The following SASH1 variants were observed in gnomAD, a reference collection of about 807,000 sequenced individuals.
SASH1 encodes SAM and SH3 domain containing 1.
SASH1 carries 44 observed loss-of-function variants against 125.2 expected under a neutral mutation model. The ratio of observed to expected loss-of-function variants is 0.35; its 90% CI spans 0.28 to 0.45. The LOEUF is 0.45. Among genes scored for constraint, SASH1 ranks in the 20% least tolerant of loss-of-function variants. The pLI is 1.00. For missense variants in SASH1, 1,426 were observed against 1,614.5 expected (o/e 0.88, Z 2.00); for synonymous variants, 639 against 649.1 (o/e 0.98, Z 0.24).
chr6:148,421,150 A>AAGGAAGGAAGGAAGG (rs1562396387), intron 2 of SASH1, among the ~76,000 whole-genome samples: 29 of 48,498 alleles, frequency 6.0e-4, no homozygotes, highest in East Asian at 1.6e-3. Context: ...AGGAAGGAAG[A>AAGGAAGGAAGGAAGG]AAGAAAGAAA....
the SASH1 span, among the ~76,000 whole-genome samples, chr6:148,233,931 T>C: frequency 6.7e-6 from 1 of 149,004 alleles, no homozygotes; most frequent in Non-Finnish European, 1.5e-5. Context: ...AAAAACTAAA[T>C]GTTCCTCCCT....
chr6:148,372,191 A>G (rs1782729299), intron 1 of SASH1, among the ~76,000 whole-genome samples: 1 of 152,230 alleles, frequency 6.6e-6, no homozygotes, highest in African/African-American at 2.4e-5. Context: ...TTTCCCTTTC[A>G]GACTTACACT....
chr6:148,246,239 C>T, the SASH1 span, among the ~76,000 whole-genome samples: 1 of 152,128 alleles, frequency 6.6e-6, no homozygotes, highest in Admixed American at 6.6e-5. Flanking sequence ...AAGTAGAAGT[C>T]TTTTCATTGT....
At chr6:148,274,173 G>T (rs1202035323) in intron 1 of SASH1, among the ~76,000 whole-genome samples, 1 of 152,206 alleles carries the variant, frequency 6.6e-6, no homozygotes, top group Non-Finnish European at 1.5e-5. Flanking sequence ...CCTAGAGGGT[G>T]CTCAGGAGTC....
chr6:148,200,271 C>T, the SASH1 span, among the ~76,000 whole-genome samples: 2 of 152,144 alleles, frequency 1.3e-5, no homozygotes, highest in Non-Finnish European at 2.9e-5. Context: ...CTCTCCTAAC[C>T]TCATTTTGTG....
At chr6:148,270,911 T>TA (rs1477664841), upstream of SASH1, among the ~76,000 whole-genome samples, 2 of 150,132 alleles carry the variant, frequency 1.3e-5, no homozygotes, top group Non-Finnish European at 3.0e-5. Flanking sequence ...CAACTTTTTT[T>TA]TTTTTTTTTT....
At chr6:148,523,667 G>A (rs904977012) in intron 10 of SASH1, among the ~76,000 whole-genome samples, 5 of 152,108 alleles carry the variant, frequency 3.3e-5, no homozygotes, top group Admixed American at 6.5e-5. Flanking sequence ...CCCAATGGCC[G>A]TCTCTCACTT....
At chr6:148,273,937 A>G (rs1779124536) in intron 1 of SASH1, among the ~76,000 whole-genome samples, 1 of 152,260 alleles carries the variant, frequency 6.6e-6, no homozygotes, top group Non-Finnish European at 1.5e-5. Flanking sequence ...AGGGAACTCT[A>G]GAAGAAATGT....
chr6:148,401,298 C>A (rs1041923900), intron 2 of SASH1, among the ~76,000 whole-genome samples: 2 of 151,716 alleles, frequency 1.3e-5, no homozygotes, highest in Non-Finnish European at 2.9e-5. Flanking sequence ...GTTATCCTGA[C>A]TTTTCAACTA....
intron 8 of SASH1, 193 bp from the exon 9 acceptor site, chr6:148,514,131 A>C (rs1780301439): frequency 3.0e-6 from 4 of 1,355,492 alleles, no homozygotes; most frequent in Non-Finnish European, 3.8e-6. Context: ...CCTAGGACCT[A>C]ATTCTACGCC....
intron 8 of SASH1, among the ~76,000 whole-genome samples, chr6:148,511,324 T>TACACACACACAC (rs58822082): frequency 9.8e-4 from 133 of 135,462 alleles, no homozygotes; most frequent in South Asian, 2.3e-3. Context: ...AATTTTCTAT[T>TACACACACACAC]ACACACACAC....
intron 1 of SASH1, among the ~76,000 whole-genome samples, chr6:148,383,150 G>A (rs189615000): frequency 3.5e-4 from 53 of 152,306 alleles, no homozygotes; most frequent in Admixed American, 1.4e-3. Context: ...ACAAGAAAAC[G>A]AGAATTAAAG....
At chr6:148,500,164 T>A (rs1485640865) in intron 8 of SASH1, among the ~76,000 whole-genome samples, 1 of 152,174 alleles carries the variant, frequency 6.6e-6, no homozygotes, top group East Asian at 1.9e-4. Context: ...GTTCTCCATT[T>A]GTGCTGATAT....
intron 7 of SASH1, chr6:148,480,906 T>C (rs1562446805): frequency 1.3e-5 from 2 of 152,030 alleles, no homozygotes; most frequent in Non-Finnish European, 2.9e-5. Flanking sequence ...GATTTCGATA[T>C]TTTATTTACT....
intron 1 of SASH1, among the ~76,000 whole-genome samples, chr6:148,359,365 C>A (rs151220057): frequency 0.019 from 2,890 of 148,780 alleles, 88 homozygotes; most frequent in African/African-American, 0.067. Flanking sequence ...TTTGTGGCAA[C>A]CCTGTGTTGA....
At chr6:148,318,593 C>T (rs924719063) in intron 1 of SASH1, among the ~76,000 whole-genome samples, 2 of 149,570 alleles carry the variant, frequency 1.3e-5, no homozygotes, top group Non-Finnish European at 3.0e-5. Context: ...CTTTCTGTCG[C>T]CGAGGCTGGA....
At chr6:148,467,033 G>A (rs569275277) in intron 4 of SASH1, among the ~76,000 whole-genome samples, 3 of 148,538 alleles carry the variant, frequency 2.0e-5, no homozygotes, top group Non-Finnish European at 3.0e-5. Context: ...TTTCCTTCTG[G>A]GATTTGGACA....
At chr6:148,509,911 A>G (rs1185280012) in intron 8 of SASH1, among the ~76,000 whole-genome samples, 1 of 152,220 alleles carries the variant, frequency 6.6e-6, no homozygotes, top group Non-Finnish European at 1.5e-5. Flanking sequence ...TCAAGGATGC[A>G]CTTGTTCCAA....
chr6:148,418,524 G>A (rs1583123552), intron 2 of SASH1, among the ~76,000 whole-genome samples: 1 of 152,342 alleles, frequency 6.6e-6, no homozygotes, highest in East Asian at 1.9e-4. Flanking sequence ...TAAAAACACA[G>A]TAGGACTTTA....
Sources: gnomAD v4.1 joint callset for allele counts (sites outside exome capture counted in the v4.1 genomes callset) on GRCh38, gnomAD v4.1.1 for gene constraint, MANE v1.5 for transcripts, NCBI Gene and HGNC (gene_info 2026-07-23, HGNC 2026-07-21) for gene names.